PTH2R: variants seen among roughly 807,000 people sequenced by gnomAD.
PTH2R encodes PTH2 receptor.
A neutral mutation model predicts 60.3 loss-of-function variants in PTH2R; 59 were observed. The ratio of observed to expected loss-of-function variants is 0.98; its 90% CI spans 0.79 to 1.22. The LOEUF (loss-of-function observed/expected upper bound fraction) is 1.22, where lower values mean the gene tolerates loss of function less well. PTH2R is among the 50% of genes most tolerant of loss of function. PTH2R has a pLI of 0.00. For missense variants in PTH2R, 749 were observed against 682.6 expected (o/e 1.10, Z -1.08); for synonymous variants, 256 against 243.8 (o/e 1.05, Z -0.47).
At chr2:208,416,228 T>G (rs1222520065) in intron 1 of PTH2R, among the ~76,000 whole-genome samples, 3 of 152,150 alleles carry the variant, frequency 2.0e-5, no homozygotes, top group Non-Finnish European at 4.4e-5. Flanking sequence ...TGCTAAGACG[T>G]GTTAAAAATG....
chr2:208,409,715 G>A (rs956351739), intron 1 of PTH2R, among the ~76,000 whole-genome samples: 1 of 151,884 alleles, frequency 6.6e-6, no homozygotes, highest in Non-Finnish European at 1.5e-5. Flanking sequence ...GTTTCTGGTT[G>A]GTAAAGATAT....
chr2:208,372,727 A>G (rs923494860), intron 1 of PTH2R, among the ~76,000 whole-genome samples: 1 of 152,132 alleles, frequency 6.6e-6, no homozygotes, highest in Admixed American at 6.5e-5. Flanking sequence ...AAAAGAGTAC[A>G]CAAAGAATTC....
At chr2:208,442,535 AC>A in intron 5 of PTH2R, 74 bp downstream of exon 5, 1 of 1,179,292 alleles carries the variant, frequency 8.5e-7, no homozygotes, top group Non-Finnish European at 1.3e-6. Flanking sequence ...TAGCGGTCTC[AC>A]AATATTTTCC....
intron 5 of PTH2R, 53 bp downstream of exon 5, chr2:208,442,514 C>T (rs974777810): frequency 2.3e-6 from 3 of 1,330,148 alleles, no homozygotes; most frequent in Admixed American, 1.7e-5. Flanking sequence ...CTTTCCTATC[C>T]AGAGAAGACA....
intron 9 of PTH2R, among the ~76,000 whole-genome samples, chr2:208,473,343 G>T (rs896880909): frequency 6.6e-6 from 1 of 152,166 alleles, no homozygotes; most frequent in Non-Finnish European, 1.5e-5. Context: ...TATGAAATAT[G>T]AATTTTAATA....
intron 1 of PTH2R, among the ~76,000 whole-genome samples, chr2:208,416,715 C>G (rs1465748847): frequency 6.6e-6 from 1 of 152,150 alleles, no homozygotes; most frequent in African/African-American, 2.4e-5. Flanking sequence ...CAGACCCACC[C>G]TTAAGCTGGG....
intron 8 of PTH2R, among the ~76,000 whole-genome samples, chr2:208,456,840 T>C (rs982546983): frequency 1.3e-5 from 2 of 152,200 alleles, no homozygotes. Flanking sequence ...AAAACAAGCA[T>C]TAATAACATT....
At chr2:208,456,198 C>T (rs937255458) in intron 8 of PTH2R, among the ~76,000 whole-genome samples, 13 of 151,700 alleles carry the variant, frequency 8.6e-5, no homozygotes, top group African/African-American at 2.4e-4. Flanking sequence ...GCCGAGATCA[C>T]GCCACTGCAC....
chr2:208,444,956 C>A, intron 7 of PTH2R, 69 bp downstream of exon 7: 1 of 1,458,832 alleles, frequency 6.9e-7, no homozygotes, highest in Non-Finnish European at 9.3e-7. Flanking sequence ...TCATGCCCAT[C>A]ATTAGCATCC....
chr2:208,436,793 G>A (rs1256693889), intron 2 of PTH2R, among the ~76,000 whole-genome samples: 1 of 152,110 alleles, frequency 6.6e-6, no homozygotes, highest in Admixed American at 6.5e-5. Context: ...ATCTCAGTAT[G>A]TTGCATTCCC....
chr2:208,493,968 G>A lies in PTH2R; in HGVS notation c.*309G>A, dbSNP rs559653384. ...AGAAAAAAGATTCAATTGCTTGGCTGTAGCTTTCTCTCATATATATCACCC... is the reference window on the plus strand; with the variant it reads ...AGAAAAAAGATTCAATTGCTTGGCTATAGCTTTCTCTCATATATATCACCC... On this transcript the variant is annotated 3_prime_UTR_variant, in exon 13 of 13. Coordinates refer to ENST00000272847, the MANE Select transcript of PTH2R (RefSeq NM_005048.4). The A allele has an allele frequency of 4.0e-5, 9 of 227,666 alleles. No homozygotes were observed. The highest frequency in any genetic ancestry group is 6.8e-5 in the Non-Finnish European group (8 of 117,322). 14.1% of individuals were successfully genotyped at this position (227,666 alleles called of 1,614,324 possible).
intron 1 of PTH2R, among the ~76,000 whole-genome samples, chr2:208,368,184 C>T (rs1700629518): frequency 6.6e-6 from 1 of 152,182 alleles, no homozygotes; most frequent in South Asian, 2.1e-4. Context: ...GCATTGTCCA[C>T]ACCCCAGCCC....
intron 1 of PTH2R, among the ~76,000 whole-genome samples, chr2:208,419,924 G>T (rs2105845176): frequency 6.6e-6 from 1 of 152,288 alleles, no homozygotes; most frequent in African/African-American, 2.4e-5. Context: ...AGAAAATGTG[G>T]CACATATACA....
intron 9 of PTH2R, among the ~76,000 whole-genome samples, chr2:208,479,883 A>C (rs528552774): frequency 1.1e-4 from 16 of 152,338 alleles, no homozygotes; most frequent in African/African-American, 3.8e-4. Context: ...CTCCATGTTC[A>C]TGTAAGGTTT....
At chr2:208,446,237 C>A (rs1366746031) in intron 7 of PTH2R, among the ~76,000 whole-genome samples, 1 of 152,090 alleles carries the variant, frequency 6.6e-6, no homozygotes, top group Non-Finnish European at 1.5e-5. Context: ...TTTATTTGGG[C>A]TTTATCACTC....
At chr2:208,436,500 A>G (rs1435138390) in intron 2 of PTH2R, among the ~76,000 whole-genome samples, 1 of 152,196 alleles carries the variant, frequency 6.6e-6, no homozygotes, top group Non-Finnish European at 1.5e-5. Flanking sequence ...CATGAGTTAC[A>G]TGAAACGGGT....
chr2:208,462,712 A>G (rs1702658425), intron 9 of PTH2R, among the ~76,000 whole-genome samples: 1 of 152,258 alleles, frequency 6.6e-6, no homozygotes, highest in African/African-American at 2.4e-5. Context: ...GTAAATAATA[A>G]ACACAAAATC....
Position 208,493,663 on chromosome 2 carries a change from G to T in PTH2R, c.*4G>T, listed in dbSNP as rs1217957459. Reference sequence around the variant, plus strand: ...AGAAACTGAGGATGTTCTCTGAATGGACATTTGTGGCTGACTTTCATGGGC... The same window carrying T: ...AGAAACTGAGGATGTTCTCTGAATGTACATTTGTGGCTGACTTTCATGGGC... On this transcript the variant is annotated 3_prime_UTR_variant, in exon 13 of 13. Transcript: ENST00000272847. 1 of 1,535,018 alleles carries T rather than the reference G, an allele frequency of 6.5e-7. No individual in the cohort carries two copies. The highest frequency in any genetic ancestry group is 2.3e-5 in the East Asian group (1 of 43,796).
At chr2:208,472,700 G>A (rs1702912354) in intron 9 of PTH2R, among the ~76,000 whole-genome samples, 1 of 152,130 alleles carries the variant, frequency 6.6e-6, no homozygotes, top group Non-Finnish European at 1.5e-5. Context: ...TCAGCAGCAT[G>A]TAAATGGACT....
Sources: gnomAD v4.1 joint callset for allele counts (sites outside exome capture counted in the v4.1 genomes callset) on GRCh38, gnomAD v4.1.1 for gene constraint, MANE v1.5 for transcripts, NCBI Gene and HGNC (gene_info 2026-07-23, HGNC 2026-07-21) for gene names.